KMT2E: variants seen among roughly 807,000 people sequenced by gnomAD.
The protein encoded by KMT2E is histone reader KMT2E.
Under a neutral mutation model 184.6 loss-of-function variants are expected in KMT2E, and 30 were observed. The ratio of observed to expected loss-of-function variants is 0.16; its 90% CI spans 0.12 to 0.22. KMT2E has a LOEUF of 0.22. Among genes scored for constraint, KMT2E ranks in the 10% least tolerant of loss-of-function variants. The pLI is 1.00. For missense variants in KMT2E, 2,023 were observed against 2,237.4 expected (o/e 0.90, Z 1.93); for synonymous variants, 815 against 776.5 (o/e 1.05, Z -0.82).
In KMT2E at chr7:105,064,068, C is replaced by T. The variant is rs1019058322; in HGVS notation, c.416+488C>T. 1.4e-5 allele frequency: 6 copies of T among 443,554 alleles called. No individual in the cohort carries two copies. In the Admixed American group the frequency reaches 1.5e-4, roughly 11 times the overall value. 27.5% of individuals were successfully genotyped at this position (443,554 alleles called of 1,614,324 possible). A position where few individuals can be genotyped will look rare whatever the true frequency, so the allele number is the denominator to read the frequency against. On this transcript the variant is annotated intron_variant, in intron 5 of 26. Coordinates refer to ENST00000311117, the MANE Select transcript of KMT2E (RefSeq NM_182931.3). ...TTGAACCAGAACCACAGTCTCCCCT[C>T]CCCCAACCCTGGTTCAGCCACCAAG...
chr7:105,046,480 C>T (rs1426721269), intron 3 of KMT2E, among the ~76,000 whole-genome samples: 5 of 151,996 alleles, frequency 3.3e-5, no homozygotes, highest in South Asian at 2.1e-4. Flanking sequence ...TGAATATGTA[C>T]GTTGTTTGAG....
intron 3 of KMT2E, among the ~76,000 whole-genome samples, chr7:105,051,617 T>TTTTTG (rs556269616): frequency 1.3e-5 from 2 of 151,866 alleles, no homozygotes; most frequent in Non-Finnish European, 2.9e-5. Context: ...TCAAAGTATA[T>TTTTTG]TTTTGTTTTG....
At position 105,063,412 on chromosome 7, in the gene KMT2E, T is replaced by C. The variant is rs1683568677; in HGVS notation, c.248T>C (p.Leu83Pro). The C allele has an allele frequency of 1.9e-6, 3 of 1,613,728 alleles. No homozygotes were observed. The highest frequency in any genetic ancestry group is 2.5e-6 in the Non-Finnish European group (3 of 1,179,892). Residue 83 changes from leucine (L) to proline (P), a missense_variant, in exon 5 of 27, where the codon CTT becomes CCT. This residue lies in a region of KMT2E where 48 missense variants were observed against 51.5 expected (regional missense o/e 0.93). Transcript: ENST00000311117. The stretch of plus-strand genomic sequence containing the variant: ...CCGGCTTCCCCTCCTCCATCAGTCC[T>C]TATTAGCAAAAATGAAGTAGGCATA... ...TPPASPPPSV[L>P]ISKNEVGIFT...
chr7:105,102,818 A>AATGT (rs1798712376), intron 17 of KMT2E: 1 of 152,276 alleles, frequency 6.6e-6, no homozygotes, highest in African/African-American at 2.4e-5. Flanking sequence ...GTAGATCATG[A>AATGT]ATGTATACTT....
intron 15 of KMT2E, among the ~76,000 whole-genome samples, chr7:105,100,768 GA>G (rs1315812101): frequency 1.3e-5 from 2 of 152,140 alleles, no homozygotes; most frequent in African/African-American, 2.4e-5. Flanking sequence ...ACTACTGTTT[GA>G]AAACCTCGTA....
At chr7:105,105,330 C>A in intron 17 of KMT2E, 109 bp from the exon 18 acceptor site, 1 of 748,236 alleles carries the variant, frequency 1.3e-6, no homozygotes, top group Non-Finnish European at 2.1e-6. Context: ...ATTTAAATTA[C>A]CCAATTTATC....
In KMT2E at chr7:105,040,984, C is replaced by G; in HGVS notation, c.32C>G (p.Thr11Arg). 1 of 1,602,228 alleles carries G rather than the reference C, an allele frequency of 6.2e-7. No homozygotes were observed. Residue 11 changes from threonine to arginine, a missense_variant, in exon 3 of 27, where the codon ACA (threonine) becomes AGA (arginine). By Grantham distance (71) the Thr-to-Arg change is moderately conservative. This residue lies in a region of KMT2E where 63 missense variants were observed against 68.9 expected (regional missense o/e 0.91). Transcript: ENST00000311117. ...ATAGTGATCCCATTGGGGGTTGATA[C>G]AGCAGAGACGTCATACTTGGAAATG... Reference protein sequence around the residue: MSIVIPLGVDTAETSYLEMAA... With the variant: MSIVIPLGVDRAETSYLEMAA...
intron 3 of KMT2E, among the ~76,000 whole-genome samples, chr7:105,050,640 TTTC>T (rs1796293587): frequency 1.2e-5 from 1 of 86,358 alleles, no homozygotes; most frequent in Non-Finnish European, 2.8e-5. Flanking sequence ...TCTTTTCTCT[TTTC>T]TTTTTTCTTT....
chr7:105,053,790 C>T (rs1252541268), intron 3 of KMT2E, among the ~76,000 whole-genome samples: 1 of 152,162 alleles, frequency 6.6e-6, no homozygotes, highest in East Asian at 1.9e-4. Context: ...GGGAGGATCA[C>T]TCAAGCCCCG....
chr7:105,020,148 A>T (rs1794889949), intron 1 of KMT2E, among the ~76,000 whole-genome samples: 1 of 151,812 alleles, frequency 6.6e-6, no homozygotes, highest in African/African-American at 2.4e-5. Flanking sequence ...AAAAAAAAAA[A>T]TTCTTGGTCC....
At chr7:105,100,016 G>A (rs1035142020) in intron 15 of KMT2E, among the ~76,000 whole-genome samples, 3 of 152,288 alleles carry the variant, frequency 2.0e-5, no homozygotes, top group East Asian at 1.9e-4. Context: ...GAACTCAGCT[G>A]TAAAACTTTC....
rs1799508941 is a variant in KMT2E at position 105,114,431 on chromosome 7, CTA to C, written c.*1099_*1100del. ...GGAAAATTTGTCTTGGGTGTAAAAA[CTA>C]AAGAAAAAAGGCATTATTCCTAGAT... On this transcript the variant is annotated 3_prime_UTR_variant, in exon 27 of 27. Coordinates refer to ENST00000311117, the MANE Select transcript of KMT2E (RefSeq NM_182931.3). 1 of 151,846 alleles carries C rather than the reference CTA, an allele frequency of 6.6e-6. No individual in the cohort carries two copies. Among genetic ancestry groups the C allele is most frequent in the Admixed American group, 6.6e-5 (1 of 15,256 alleles). 9.4% of individuals were successfully genotyped at this position (151,846 alleles called of 1,614,324 possible).
chr7:105,063,739 G>GA (rs1250978422), intron 5 of KMT2E, 159 bp downstream of exon 5: 2 of 575,506 alleles, frequency 3.5e-6, no homozygotes, highest in African/African-American at 3.8e-5. Context: ...CCTCCTATGT[G>GA]AAAAAAGAGT....
chr7:105,028,568 T>C (rs773357846), intron 1 of KMT2E, among the ~76,000 whole-genome samples: 6 of 152,136 alleles, frequency 3.9e-5, no homozygotes, highest in Non-Finnish European at 7.4e-5. Flanking sequence ...TTTAGCTCAC[T>C]GTAACCTCCA....
intron 3 of KMT2E, among the ~76,000 whole-genome samples, chr7:105,044,279 T>C (rs1219895082): frequency 6.6e-6 from 1 of 152,214 alleles, no homozygotes; most frequent in Non-Finnish European, 1.5e-5. Flanking sequence ...GTTTGCTTCA[T>C]TAAGTAAATA....
intron 19 of KMT2E, among the ~76,000 whole-genome samples, 162 bp downstream of exon 19, chr7:105,106,165 AC>A (rs1798890984): frequency 6.6e-6 from 1 of 152,200 alleles, no homozygotes; most frequent in African/African-American, 2.4e-5. Flanking sequence ...GGCTGAAGAT[AC>A]CAGTTCACAA....
In KMT2E at chr7:105,113,518, G is replaced by C. The variant is rs934111296; in HGVS notation, c.*185G>C. 2 of 555,808 alleles carry C rather than the reference G, an allele frequency of 3.6e-6. No individual in the cohort carries two copies. Among genetic ancestry groups the C allele is most frequent in the African/African-American group, 3.9e-5 (2 of 51,808 alleles). The allele number at this position is 555,808 out of a possible 1,614,324, so 34.4% of individuals were successfully genotyped here. A position where few individuals can be genotyped will look rare whatever the true frequency, so the allele number is the denominator to read the frequency against. On this transcript the variant is annotated 3_prime_UTR_variant, in exon 27 of 27. Transcript: ENST00000311117. ...CTTTAAAAAATGTGCTGTTAAGCCA[G>C]TATTAGGTATCTTTATTTTGTAAGT...
chr7:105,081,550 T>C (rs1040898281), intron 12 of KMT2E, 138 bp from the exon 13 acceptor site: 2 of 614,322 alleles, frequency 3.3e-6, no homozygotes, highest in East Asian at 3.0e-5. Flanking sequence ...TAGATAGTTA[T>C]AAGCCTTGTC....
Position 105,107,430 on chromosome 7 carries a change from T to A in KMT2E, c.2973T>A (p.Gly991=). 1 of 1,613,420 alleles carries A rather than the reference T, an allele frequency of 6.2e-7. No homozygotes were observed. The highest frequency in any genetic ancestry group is 1.3e-5 in the African/African-American group (1 of 74,968). Residue 991 remains glycine (G), a synonymous_variant, in exon 22 of 27, where the codon GGT becomes GGA. Transcript: ENST00000311117. ...PFRNSNLTEL[G]LQEIKTIGYT... Reference sequence around the variant, plus strand: ...GAAATTCTAATTTAACTGAACTGGGTCTGCAAGAAATAAAGACTATTGGTT... The same window carrying A: ...GAAATTCTAATTTAACTGAACTGGGACTGCAAGAAATAAAGACTATTGGTT...
Sources: gnomAD v4.1 joint callset for allele counts (sites outside exome capture counted in the v4.1 genomes callset) on GRCh38, gnomAD v4.1.1 for gene constraint, gnomAD v4.1.1 regional missense constraint, MANE v1.5 for transcripts, NCBI Gene and HGNC (gene_info 2026-07-23, HGNC 2026-07-21) for gene names.